Variants in HIGD1C observed in about 807,000 individuals in gnomAD.
HIGD1C encodes the protein HIG1 domain family member 1C.
A neutral mutation model predicts 13.1 loss-of-function variants in HIGD1C; 11 were observed. The ratio of observed to expected loss-of-function variants is 0.84; its 90% CI spans 0.53 to 1.39. The LOEUF (loss-of-function observed/expected upper bound fraction) is 1.39, where lower values mean the gene tolerates loss of function less well. HIGD1C is among the 40% of genes most tolerant of loss of function. The pLI is 0.00. For missense variants in HIGD1C, 110 were observed against 112.0 expected (o/e 0.98, Z 0.08); for synonymous variants, 36 against 37.7 (o/e 0.95, Z 0.17).
chr12:50,956,274 C>T (rs776852502), intron 1 of HIGD1C, among the ~76,000 whole-genome samples: 27 of 152,248 alleles, frequency 1.8e-4, no homozygotes, highest in Non-Finnish European at 3.4e-4. Context: ...CGCCTGTAGT[C>T]CCAGCTCCTC....
chr12:50,934,256 A>G, the HIGD1C span, among the ~76,000 whole-genome samples: 2 of 152,252 alleles, frequency 1.3e-5, no homozygotes, highest in Non-Finnish European at 2.9e-5. Flanking sequence ...ACTGCTTGCA[A>G]CAAAGAAAGT....
the HIGD1C span, among the ~76,000 whole-genome samples, chr12:50,948,182 C>CT: frequency 6.6e-6 from 1 of 152,194 alleles, no homozygotes. Context: ...ACTCAGAATC[C>CT]TTTGATGACT....
the HIGD1C span, among the ~76,000 whole-genome samples, chr12:50,943,009 G>C: frequency 6.6e-6 from 1 of 151,550 alleles, no homozygotes; most frequent in Non-Finnish European, 1.5e-5. Flanking sequence ...GGGATTACAG[G>C]TGCCTGCCAC....
rs760109968 is a variant in HIGD1C, at chr12:50,954,018, G to A, written c.20G>A (p.Trp7Ter). The A allele has an allele frequency of 1.1e-5, 18 of 1,611,568 alleles. No homozygotes were observed. The East Asian group carries it at 3.8e-4, about 34-fold the overall frequency. Reference sequence around the variant, plus strand: ...AAAAAAATGTCTTCAGATAACCAGTGGTCAGCAGATGAGGATGAAGGCCAA... The same window carrying A: ...AAAAAAATGTCTTCAGATAACCAGTAGTCAGCAGATGAGGATGAAGGCCAA... The change falls in exon 1 of 3, where the codon TGG becomes TAG. Residue 7 changes from tryptophan to a stop codon, truncating the protein, a stop_gained. Coordinates refer to ENST00000398455, the Ensembl canonical transcript of HIGD1C. LOFTEE classifies it high-confidence loss of function.
At chr12:50,936,095 G>A in the HIGD1C span, among the ~76,000 whole-genome samples, 7 of 150,236 alleles carry the variant, frequency 4.7e-5, no homozygotes, top group Non-Finnish European at 1.0e-4. Context: ...GGAGGCAGAG[G>A]TTGCAGTGAG....
At chr12:50,953,802 C>T, upstream of HIGD1C, 2 of 516,228 alleles carry the variant, frequency 3.9e-6, no homozygotes, top group Non-Finnish European at 6.9e-6. Flanking sequence ...TTTCTTATCC[C>T]CTTCCCCTGC....
At chr12:50,970,348 T>C (rs529662206) in intron 2 of HIGD1C, 94 bp from the exon 5 acceptor site, 3 of 730,884 alleles carry the variant, frequency 4.1e-6, no homozygotes, top group Non-Finnish European at 4.8e-6. Context: ...TCTGTTTAAA[T>C]TGTGGGCTAG....
intron 2 of HIGD1C, among the ~76,000 whole-genome samples, chr12:50,962,075 T>C (rs568718678): frequency 4.1e-4 from 62 of 152,260 alleles, no homozygotes; most frequent in African/African-American, 1.3e-3. Context: ...TATAAAGTTA[T>C]AGATGCCGTG....
At chr12:50,960,849 ATTT>A (rs986886472) in intron 1 of HIGD1C, 116 bp from the exon 4 acceptor site, 49 of 654,180 alleles carry the variant, frequency 7.5e-5, no homozygotes, top group African/African-American at 3.8e-4. Context: ...TGTGTGGCTA[ATTT>A]TTTTTTTTTT....
upstream of HIGD1C, chr12:50,949,119 G>C (rs956588941): frequency 1.3e-5 from 2 of 152,086 alleles, no homozygotes; most frequent in African/African-American, 4.9e-5. Context: ...AGAATGTGAA[G>C]TCCTCCACTC....
chr12:50,933,632 T>C, the HIGD1C span, among the ~76,000 whole-genome samples: 3 of 152,246 alleles, frequency 2.0e-5, no homozygotes, highest in African/African-American at 7.2e-5. Context: ...ACAAGCCCAG[T>C]TAGAAAGAGC....
chr12:50,972,201 C>G (rs953134261), downstream of HIGD1C, among the ~76,000 whole-genome samples: 3 of 152,156 alleles, frequency 2.0e-5, no homozygotes, highest in Admixed American at 2.0e-4. Flanking sequence ...AAATATTCTA[C>G]CTTCTCAATA....
chr12:50,944,650 G>A, the HIGD1C span, among the ~76,000 whole-genome samples: 1 of 152,222 alleles, frequency 6.6e-6, no homozygotes, highest in Non-Finnish European at 1.5e-5. Flanking sequence ...ACTTTGGGAA[G>A]CTGAGACAGG....
chr12:50,934,263 AAGT>A, the HIGD1C span, among the ~76,000 whole-genome samples: 1 of 152,240 alleles, frequency 6.6e-6, no homozygotes, highest in Non-Finnish European at 1.5e-5. Context: ...GCAACAAAGA[AAGT>A]AAAAGACAAA....
At chr12:50,947,761 C>T in the HIGD1C span, among the ~76,000 whole-genome samples, 1 of 152,092 alleles carries the variant, frequency 6.6e-6, no homozygotes, top group East Asian at 1.9e-4. Context: ...GATAATGGGA[C>T]CTTCAGTGAG....
upstream of HIGD1C, among the ~76,000 whole-genome samples, chr12:50,950,544 C>A (rs1855903899): frequency 6.6e-6 from 1 of 152,126 alleles, no homozygotes; most frequent in South Asian, 2.1e-4. Flanking sequence ...CCCTCTGTCA[C>A]CCAGACTGAG....
the HIGD1C span, among the ~76,000 whole-genome samples, chr12:50,947,752 A>G: frequency 6.6e-6 from 1 of 152,320 alleles, no homozygotes; most frequent in South Asian, 2.1e-4. Flanking sequence ...TATATAAAAG[A>G]TAATGGGACC....
At chr12:50,933,299 G>A in the HIGD1C span, among the ~76,000 whole-genome samples, 2 of 152,076 alleles carry the variant, frequency 1.3e-5, no homozygotes, top group African/African-American at 4.8e-5. Context: ...CATTTTAAGA[G>A]CCTGAGGAAA....
intron 2 of HIGD1C, among the ~76,000 whole-genome samples, chr12:50,966,454 G>T (rs1365000986): frequency 6.6e-6 from 1 of 152,152 alleles, no homozygotes; most frequent in Non-Finnish European, 1.5e-5. Context: ...TGCATTGCAA[G>T]ATGCCTAACA....
Sources: allele counts gnomAD v4.1 joint callset (sites outside exome capture counted in the v4.1 genomes callset), GRCh38; gene constraint gnomAD v4.1.1; transcripts MANE v1.5; gene names NCBI Gene and HGNC (gene_info 2026-07-23, HGNC 2026-07-21).